Variants in ZFX observed in about 807,000 individuals in gnomAD.
The protein encoded by ZFX is zinc finger protein X-linked.
For missense variants in ZFX, 362 were observed against 628.3 expected (o/e 0.58, Z 4.53); for synonymous variants, 196 against 226.8 (o/e 0.86, Z 1.22).
intron 5 of ZFX, among the ~76,000 whole-genome samples, chrX:24,182,249 T>C (rs1161410160): frequency 1.8e-5 from 2 of 110,969 alleles, no homozygotes; most frequent in Non-Finnish European, 3.8e-5. Flanking sequence ...AATATGACTT[T>C]GGTGCTTTTG....
chrX:24,170,162 T>TC (rs1340638152), intron 3 of ZFX, among the ~76,000 whole-genome samples: 6 of 106,329 alleles, frequency 5.6e-5, no homozygotes, highest in Non-Finnish European at 1.2e-4. Context: ...TAGAATTTTT[T>TC]TTTTTTTTTT....
chrX:24,156,058 G>A (rs1011081746), intron 3 of ZFX, among the ~76,000 whole-genome samples: 8 of 111,340 alleles, frequency 7.2e-5, no homozygotes, highest in African/African-American at 2.3e-4. Flanking sequence ...CACCATGCCC[G>A]GTTAATTTTT....
Position 24,210,553 on chromosome X carries a change from G to A in ZFX, c.1595G>A (p.Gly532Glu). 8.3e-7 allele frequency: 1 copy of A among 1,211,712 alleles called. No homozygotes were observed. Among genetic ancestry groups the A allele is most frequent in the Non-Finnish European group, 1.1e-6 (1 of 895,560 alleles). ...KFCEYETAEQ[G>E]LLNRHLLAVH... ...TGTGAATACGAGACAGCTGAACAAG[G>A]GTTATTGAATCGCCACCTCTTGGCA... Residue 532 changes from glycine (G) to glutamate (E), a missense_variant, in exon 10 of 10, where the codon GGG (glycine) becomes GAG (glutamate). Transcript: ENST00000304543.
chrX:24,187,232 C>T (rs1192280402), intron 5 of ZFX, among the ~76,000 whole-genome samples: 1 of 111,562 alleles, frequency 9.0e-6, no homozygotes, highest in East Asian at 2.8e-4. Context: ...TCACTCCCAG[C>T]AGCATTAGGG....
chrX:24,151,529 G>A (rs1932131756), intron 1 of ZFX, 162 bp from the exon 2 acceptor site: 1 of 111,648 alleles, frequency 9.0e-6, no homozygotes, highest in Non-Finnish European at 1.9e-5. Flanking sequence ...GTAGGGGAGT[G>A]GTGGGAATTC....
chrX:24,201,709 G>A (rs1280041738), intron 5 of ZFX, among the ~76,000 whole-genome samples: 6 of 112,173 alleles, frequency 5.3e-5, no homozygotes, highest in African/African-American at 1.6e-4. Flanking sequence ...CCAGTTAGCC[G>A]GGTATATCAT....
chrX:24,210,070 CA>C (rs1937964861), intron 9 of ZFX, 122 bp from the exon 10 acceptor site: 1 of 873,274 alleles, frequency 1.1e-6, no homozygotes, highest in Non-Finnish European at 1.6e-6. Flanking sequence ...GAATGTTAAG[CA>C]GCAAATAGTC....
intron 4 of ZFX, among the ~76,000 whole-genome samples, chrX:24,178,355 C>T (rs1305502126): frequency 7.9e-5 from 8 of 100,717 alleles, no homozygotes; most frequent in Non-Finnish European, 1.4e-4. Flanking sequence ...GTGGCGTGAT[C>T]TCGGCTCACT....
At chrX:24,163,962 T>C (rs1305086375) in intron 3 of ZFX, among the ~76,000 whole-genome samples, 1 of 109,071 alleles carries the variant, frequency 9.2e-6, no homozygotes, top group Non-Finnish European at 1.9e-5. Flanking sequence ...ACAAGTTGTT[T>C]TCTTTTTTTC....
chrX:24,182,985 TG>T (rs1267336226), intron 5 of ZFX, among the ~76,000 whole-genome samples: 4 of 111,226 alleles, frequency 3.6e-5, no homozygotes, highest in African/African-American at 1.3e-4. Context: ...AGTACTTGAA[TG>T]TTGGGAGCTA....
chrX:24,214,888 C>T lies in ZFX; in HGVS notation c.*3512C>T, dbSNP rs1938356162. ...ATCATGCCCTCGAGTTACCCCACTGCGCCCAGTTTAGAGGACTAGTAGATG... is the reference window on the plus strand; with the variant it reads ...ATCATGCCCTCGAGTTACCCCACTGTGCCCAGTTTAGAGGACTAGTAGATG... On this transcript the variant is annotated 3_prime_UTR_variant, in exon 10 of 10. Coordinates refer to ENST00000304543, the MANE Select transcript of ZFX (RefSeq NM_003410.4). The T allele has an allele frequency of 9.0e-6, 1 of 111,262 alleles. No homozygotes were observed. Among genetic ancestry groups the T allele is most frequent in the Non-Finnish European group, 1.9e-5 (1 of 53,100 alleles). The allele number at this position is 111,262 out of a possible 1,213,427, so 9.2% of individuals were successfully genotyped here. A position where few individuals can be genotyped will look rare whatever the true frequency, so the allele number is the denominator to read the frequency against.
intron 3 of ZFX, among the ~76,000 whole-genome samples, chrX:24,168,385 G>A (rs1934206904): frequency 8.9e-6 from 1 of 111,814 alleles, no homozygotes; most frequent in Non-Finnish European, 1.9e-5. Context: ...AAAGCAAAGT[G>A]AATAAATAAG....
intron 3 of ZFX, among the ~76,000 whole-genome samples, chrX:24,155,238 T>C (rs1307479669): frequency 8.9e-6 from 1 of 112,450 alleles, no homozygotes. Flanking sequence ...TCTAGTATGA[T>C]AAACATCTAT....
At chrX:24,208,649 T>C (rs1937799127) in intron 8 of ZFX, among the ~76,000 whole-genome samples, 1 of 111,973 alleles carries the variant, frequency 8.9e-6, no homozygotes, top group Admixed American at 9.5e-5. Context: ...CCATGACTTT[T>C]TCATTTTGGG....
rs184743544 is a variant in ZFX, at chrX:24,180,045, A to G, written c.646+275A>G. Among the ~76,000 whole-genome samples, 656 of 110,187 alleles carry G rather than the reference A, an allele frequency of 6.0e-3. 13 individuals are homozygous for G. Among genetic ancestry groups the G allele is most frequent in the Admixed American group, 0.048 (497 of 10,249 alleles). ...GAGTTCGAGACCAGCCTGGCCAACC[A>G]ACATGGTGAAACCCCGTCTCTACTA... On this transcript the variant is annotated intron_variant, in intron 5 of 9. Coordinates refer to ENST00000304543, the MANE Select transcript of ZFX (RefSeq NM_003410.4).
rs1280458962 is a variant in ZFX at position 24,211,389 on chromosome X, A to G, written c.*13A>G. On this transcript the variant is annotated 3_prime_UTR_variant, in exon 10 of 10. Coordinates refer to ENST00000304543, the MANE Select transcript of ZFX (RefSeq NM_003410.4). The stretch of plus-strand genomic sequence containing the variant: ...TGGCCTGCCCTAACAATACTTCTAC[A>G]GAACGTTTGTAGAGATATTGGCCTT... 1 of 1,210,662 alleles carries G rather than the reference A, an allele frequency of 8.3e-7. No homozygotes were observed. Among genetic ancestry groups the G allele is most frequent in the Non-Finnish European group, 1.1e-6 (1 of 894,559 alleles).
intron 4 of ZFX, among the ~76,000 whole-genome samples, chrX:24,173,194 A>G (rs1273912200): frequency 1.8e-5 from 2 of 112,163 alleles, no homozygotes; most frequent in Non-Finnish European, 3.8e-5. Flanking sequence ...CCTAGTGCCT[A>G]CCACATAGAC....
intron 6 of ZFX, 73 bp downstream of exon 6, chrX:24,207,548 A>G: frequency 8.7e-7 from 1 of 1,151,039 alleles, no homozygotes; most frequent in South Asian, 2.1e-5. Flanking sequence ...GGTTATTTAG[A>G]TTGAGAACAT....
At chrX:24,192,188 A>T (rs770393535) in intron 5 of ZFX, among the ~76,000 whole-genome samples, 2 of 111,898 alleles carry the variant, frequency 1.8e-5, no homozygotes, top group Non-Finnish European at 3.8e-5. Flanking sequence ...CACAGAACCT[A>T]ATTTTATCTT....
Sources: gnomAD v4.1 joint callset for allele counts (sites outside exome capture counted in the v4.1 genomes callset) on GRCh38, gnomAD v4.1.1 for gene constraint, MANE v1.5 for transcripts, NCBI Gene and HGNC (gene_info 2026-07-23, HGNC 2026-07-21) for gene names.